CTNNA3: variants seen among roughly 807,000 people sequenced by gnomAD.
CTNNA3 encodes the protein catenin alpha-3.
Under a neutral mutation model 95.7 loss-of-function variants are expected in CTNNA3, and 76 were observed. The observed-to-expected ratio is 0.79, with a 90% CI of 0.66 to 0.96. The LOEUF (loss-of-function observed/expected upper bound fraction) is 0.96. CTNNA3 is among the 40% of genes least tolerant of loss of function. The pLI is 0.00. For synonymous variants in CTNNA3, 431 were observed against 374.4 expected (o/e 1.15, Z -1.74); for missense variants, 1,191 against 1,089.8 (o/e 1.09, Z -1.31).
intron 5 of CTNNA3, among the ~76,000 whole-genome samples, chr10:67,295,021 A>C (rs2132479091): frequency 6.6e-6 from 1 of 152,324 alleles, no homozygotes; most frequent in East Asian, 1.9e-4. Flanking sequence ...TGCCTTCAAC[A>C]ACATCATAAT....
At chr10:67,244,657 A>C (rs187243528) in intron 5 of CTNNA3, among the ~76,000 whole-genome samples, 13 of 152,350 alleles carry the variant, frequency 8.5e-5, no homozygotes, top group African/African-American at 2.9e-4. Context: ...GGCTAAAATT[A>C]GTGAAATAGA....
chr10:66,688,559 A>G (rs1458459584), intron 9 of CTNNA3, among the ~76,000 whole-genome samples: 1 of 152,122 alleles, frequency 6.6e-6, no homozygotes, highest in Non-Finnish European at 1.5e-5. Context: ...TACAGTAGCC[A>G]ATTCACCAGT....
intron 7 of CTNNA3, among the ~76,000 whole-genome samples, chr10:66,930,469 T>C (rs1291668554): frequency 1.3e-5 from 2 of 152,178 alleles, no homozygotes; most frequent in Non-Finnish European, 2.9e-5. Context: ...AAATTTTCTT[T>C]GGCTAGCCTC....
rs201632498 is a variant in CTNNA3, at chr10:66,448,212, C to A, written c.1532-68860G>T. On this transcript the variant is annotated intron_variant, in intron 11 of 17. Transcript: ENST00000433211. ...GAGAGGATGTGGAGAAATAGGAACA[C>A]TTTTACACTGTTGGTGGGACTGTAA... Among the ~76,000 whole-genome samples, 1,940 of 152,190 alleles carry A rather than the reference C, an allele frequency of 0.013. 173 individuals are homozygous for A. In the East Asian group the frequency reaches 0.24, roughly 19 times the overall value.
chr10:66,263,815 T>C (rs2091077087), intron 13 of CTNNA3, among the ~76,000 whole-genome samples: 1 of 151,984 alleles, frequency 6.6e-6, no homozygotes, highest in African/African-American at 2.4e-5. Flanking sequence ...CATTACCTAC[T>C]TGATCATCTA....
At chr10:65,971,379 G>GTT (rs57963750) in intron 16 of CTNNA3, among the ~76,000 whole-genome samples, 31,574 of 139,924 alleles carry the variant, frequency 0.23, 3,829 homozygotes, top group Middle Eastern at 0.34. Flanking sequence ...CCAAAGTTGT[G>GTT]TTTTTTTTTT....
Position 66,590,202 on chromosome 10 carries a change from A to G in CTNNA3, c.1374+31490T>C, listed in dbSNP as rs559532519. 1.3e-5 allele frequency among the ~76,000 whole-genome samples: 2 copies of G among 152,148 alleles called. 1 individual carries two copies. The highest frequency in any genetic ancestry group is 4.8e-5 in the African/African-American group (2 of 41,536). On this transcript the variant is annotated intron_variant, in intron 10 of 17. Transcript: ENST00000433211. ...ATTAAATCTAGAAGGAATATTAGAC[A>G]TCTAGTCCAAATCTACCCACTTACA...
At chr10:67,703,411 A>C (rs2133605074) in intron 1 of CTNNA3, among the ~76,000 whole-genome samples, 1 of 152,218 alleles carries the variant, frequency 6.6e-6, no homozygotes, top group Non-Finnish European at 1.5e-5. Context: ...GCAGCACATC[A>C]AAAAGCTTAT....
chr10:66,159,101 C>T (rs1324745643), intron 13 of CTNNA3, among the ~76,000 whole-genome samples: 2 of 151,958 alleles, frequency 1.3e-5, no homozygotes, highest in Admixed American at 6.6e-5. Flanking sequence ...ATGTCATCAG[C>T]AAACAGTGAC....
intron 6 of CTNNA3, among the ~76,000 whole-genome samples, chr10:67,203,972 C>A (rs1452952725): frequency 6.6e-6 from 1 of 152,078 alleles, no homozygotes; most frequent in Non-Finnish European, 1.5e-5. Flanking sequence ...AGTTCCAAGT[C>A]TTGTGACTGC....
intron 13 of CTNNA3, among the ~76,000 whole-genome samples, chr10:66,195,873 A>G (rs573455093): frequency 5.3e-5 from 8 of 152,330 alleles, no homozygotes; most frequent in African/African-American, 1.9e-4. Flanking sequence ...CATGTTAGCC[A>G]TTGCCACAGT....
intron 7 of CTNNA3, among the ~76,000 whole-genome samples, chr10:66,968,193 C>G (rs1053560543): frequency 6.6e-6 from 1 of 151,936 alleles, no homozygotes; most frequent in Non-Finnish European, 1.5e-5. Flanking sequence ...TCTCTACCAT[C>G]ATCAAATAAG....
intron 5 of CTNNA3, among the ~76,000 whole-genome samples, chr10:67,472,860 C>T (rs998851382): frequency 6.6e-6 from 1 of 152,220 alleles, no homozygotes; most frequent in Non-Finnish European, 1.5e-5. Context: ...AGCCCCAATT[C>T]TGCATTTCAC....
At chr10:66,353,837 T>G (rs10997073) in intron 12 of CTNNA3, among the ~76,000 whole-genome samples, 30,749 of 151,664 alleles carry the variant, frequency 0.2, 3,644 homozygotes, top group East Asian at 0.51. Flanking sequence ...AAAACTGGGT[T>G]TAGAATATTT....
At chr10:67,352,708 G>A (rs773061256) in intron 5 of CTNNA3, among the ~76,000 whole-genome samples, 3 of 151,792 alleles carry the variant, frequency 2.0e-5, no homozygotes, top group East Asian at 1.9e-4. Context: ...CTCTCACAAC[G>A]GATTAAACAA....
chr10:66,409,232 G>A (rs2093081272), intron 11 of CTNNA3, among the ~76,000 whole-genome samples: 1 of 152,098 alleles, frequency 6.6e-6, no homozygotes, highest in Admixed American at 6.6e-5. Flanking sequence ...AAATTCCTGG[G>A]AAAGTCTGAG....
chr10:67,390,691 A>T (rs1468430686), intron 5 of CTNNA3, among the ~76,000 whole-genome samples: 4 of 150,076 alleles, frequency 2.7e-5, no homozygotes, highest in African/African-American at 9.9e-5. Flanking sequence ...GCAGCACATC[A>T]AAAAGCTTAT....
chr10:67,113,700 G>T (rs1859022962), intron 7 of CTNNA3, among the ~76,000 whole-genome samples: 1 of 152,028 alleles, frequency 6.6e-6, no homozygotes, highest in African/African-American at 2.4e-5. Context: ...AGGCAGCTCA[G>T]AAAAAGAGAT....
chr10:66,810,668 C>T (rs1443823275), intron 7 of CTNNA3, among the ~76,000 whole-genome samples: 2 of 152,074 alleles, frequency 1.3e-5, no homozygotes, highest in African/African-American at 4.8e-5. Context: ...AATGTTTTCT[C>T]ATAAGTAAGA....
Sources: allele counts gnomAD v4.1 joint callset (sites outside exome capture counted in the v4.1 genomes callset), GRCh38; gene constraint gnomAD v4.1.1; transcripts MANE v1.5; gene names NCBI Gene and HGNC (gene_info 2026-07-23, HGNC 2026-07-21).